The following RGS7 variants were observed in gnomAD, a reference collection of about 807,000 sequenced individuals.
RGS7 encodes regulator of G-protein signaling 7.
RGS7 carries 27 observed loss-of-function variants against 81.1 expected under a neutral mutation model. That is an observed-to-expected ratio of 0.33 (90% confidence interval 0.25 to 0.46). RGS7 has a LOEUF of 0.46. Ranked by LOEUF, RGS7 falls within the 20% of genes least tolerant of loss-of-function variation. The probability of loss-of-function intolerance (pLI) is 1.00; values close to 1 mark genes in which losing one functional copy is unlikely to be tolerated. For synonymous variants in RGS7, 208 were observed against 207.7 expected (o/e 1.00, Z -0.01); for missense variants, 396 against 607.4 (o/e 0.65, Z 3.66).
intron 6 of RGS7, among the ~76,000 whole-genome samples, chr1:240,882,437 G>A (rs1298500445): frequency 1.3e-5 from 2 of 152,146 alleles, no homozygotes; most frequent in African/African-American, 4.8e-5. Context: ...ATTATCCAGA[G>A]CCTTAAATTA....
intron 2 of RGS7, among the ~76,000 whole-genome samples, chr1:241,219,787 C>A (rs1321138275): frequency 6.6e-6 from 1 of 152,142 alleles, no homozygotes; most frequent in Non-Finnish European, 1.5e-5. Flanking sequence ...AGGTACATAT[C>A]TTTACTCACA....
intron 2 of RGS7, among the ~76,000 whole-genome samples, chr1:241,245,808 A>T (rs1230783046): frequency 6.6e-6 from 1 of 150,754 alleles, no homozygotes; most frequent in Non-Finnish European, 1.5e-5. Context: ...CTCCACCTCA[A>T]AAAACAAACA....
intron 9 of RGS7, among the ~76,000 whole-genome samples, chr1:240,829,016 G>C (rs901180039): frequency 4.6e-5 from 7 of 152,094 alleles, no homozygotes; most frequent in African/African-American, 1.7e-4. Flanking sequence ...TACAGTAACG[G>C]GAATCAGTTC....
At chr1:241,190,135 G>GACAC (rs1239118964) in intron 2 of RGS7, among the ~76,000 whole-genome samples, 1 of 152,000 alleles carries the variant, frequency 6.6e-6, no homozygotes, top group Non-Finnish European at 1.5e-5. Context: ...ATCTGTATGG[G>GACAC]TATACTTCCA....
intron 2 of RGS7, among the ~76,000 whole-genome samples, chr1:241,315,969 T>C (rs1307665060): frequency 6.6e-6 from 1 of 152,250 alleles, no homozygotes; most frequent in Non-Finnish European, 1.5e-5. Context: ...GTGATTTTTT[T>C]CCTTCATTTG....
chr1:241,309,021 T>C (rs1387310216), intron 2 of RGS7, among the ~76,000 whole-genome samples: 1 of 152,154 alleles, frequency 6.6e-6, no homozygotes, highest in Non-Finnish European at 1.5e-5. Flanking sequence ...AAACTGGTCA[T>C]GGTATTTTCT....
intron 2 of RGS7, among the ~76,000 whole-genome samples, chr1:241,119,607 G>A (rs2066109876): frequency 6.6e-6 from 1 of 152,172 alleles, no homozygotes; most frequent in South Asian, 2.1e-4. Flanking sequence ...GATGCACTGA[G>A]TTATGCAGAT....
chr1:241,126,601 T>C (rs1331806215), intron 2 of RGS7, among the ~76,000 whole-genome samples: 4 of 152,216 alleles, frequency 2.6e-5, no homozygotes, highest in African/African-American at 9.6e-5. Flanking sequence ...CTTCAGCATC[T>C]GAAAAACAGA....
chr1:241,064,327 G>T (rs182086464), intron 3 of RGS7, among the ~76,000 whole-genome samples: 135 of 147,782 alleles, frequency 9.1e-4, no homozygotes, highest in Middle Eastern at 7.5e-3. Flanking sequence ...AGCTCCCATC[G>T]GTAATCCCAG....
chr1:241,091,457 AG>A (rs2063867988), intron 3 of RGS7, among the ~76,000 whole-genome samples: 2 of 151,888 alleles, frequency 1.3e-5, no homozygotes, highest in African/African-American at 2.4e-5. Context: ...CTGAGGCAGG[AG>A]AATGGCGTGA....
chr1:240,887,329 C>T (rs918488462), intron 6 of RGS7, among the ~76,000 whole-genome samples: 2 of 148,472 alleles, frequency 1.3e-5, no homozygotes, highest in African/African-American at 5.1e-5. Context: ...CCTGGGTTCA[C>T]GCCATTCTCC....
intron 9 of RGS7, among the ~76,000 whole-genome samples, chr1:240,836,698 T>C (rs1308033640): frequency 6.6e-6 from 1 of 152,252 alleles, no homozygotes; most frequent in Non-Finnish European, 1.5e-5. Flanking sequence ...AATCAGAGCA[T>C]TTCCAACACA....
chr1:240,804,246 G>GT (rs1241295264), intron 15 of RGS7, among the ~76,000 whole-genome samples: 1 of 152,174 alleles, frequency 6.6e-6, no homozygotes, highest in African/African-American at 2.4e-5. Flanking sequence ...GGTGTGGATA[G>GT]TAAGTGCTCA....
chr1:240,920,068 G>C (rs1345426594), intron 6 of RGS7: 3 of 968,328 alleles, frequency 3.1e-6, no homozygotes, highest in African/African-American at 1.6e-5. Flanking sequence ...ATGACTGATT[G>C]AGGCAATGGC....
Position 240,926,098 on chromosome 1 carries a change from C to A in RGS7, c.385+4619G>T, listed in dbSNP as rs1337995086. On this transcript the variant is annotated intron_variant, in intron 6 of 18. Coordinates refer to ENST00000440928, the MANE Select transcript of RGS7 (RefSeq NM_001364886.1). The stretch of plus-strand genomic sequence containing the variant: ...TGTCTGTTAATTCTGTTGATAGTTT[C>A]TTTTGCTGTGCAGAAACTCTTCAGT... Among the ~76,000 whole-genome samples, 4 of 152,068 alleles carry A rather than the reference C, an allele frequency of 2.6e-5. No individual in the cohort carries two copies. The South Asian group carries it at 6.2e-4, about 24-fold the overall frequency.
Position 241,307,987 on chromosome 1 carries a change from T to C in RGS7, c.78+47712A>G, listed in dbSNP as rs141565425. On this transcript the variant is annotated intron_variant, in intron 2 of 18. Coordinates refer to ENST00000440928, the MANE Select transcript of RGS7 (RefSeq NM_001364886.1). ...CAGCTCTTCACCTCACTCCATCGACTGACTTCATTCTTATGATTTTATACT... is the reference window on the plus strand; with the variant it reads ...CAGCTCTTCACCTCACTCCATCGACCGACTTCATTCTTATGATTTTATACT... 1.1e-3 allele frequency among the ~76,000 whole-genome samples: 164 copies of C among 152,344 alleles called. 1 individual carries two copies. Among genetic ancestry groups the C allele is most frequent in the African/African-American group, 3.1e-3 (130 of 41,580 alleles).
intron 10 of RGS7, among the ~76,000 whole-genome samples, chr1:240,816,706 T>C (rs1275725753): frequency 1.3e-5 from 2 of 152,184 alleles, no homozygotes; most frequent in East Asian, 1.9e-4. Flanking sequence ...GAATACCAAG[T>C]TGGAGAATGT....
intron 2 of RGS7, among the ~76,000 whole-genome samples, chr1:241,171,640 A>G (rs1296815040): frequency 2.0e-5 from 3 of 152,210 alleles, no homozygotes; most frequent in Non-Finnish European, 4.4e-5. Flanking sequence ...TCACTTTACA[A>G]TGAAATACTA....
intron 2 of RGS7, among the ~76,000 whole-genome samples, chr1:241,306,457 T>C (rs1276671431): frequency 1.4e-5 from 2 of 138,702 alleles, no homozygotes; most frequent in African/African-American, 5.6e-5. Flanking sequence ...CACAGGCACA[T>C]ATGCACACGT....
Sources: gnomAD v4.1 joint callset for allele counts (sites outside exome capture counted in the v4.1 genomes callset) on GRCh38, gnomAD v4.1.1 for gene constraint, MANE v1.5 for transcripts, NCBI Gene and HGNC (gene_info 2026-07-23, HGNC 2026-07-21) for gene names.